Variants in DYNC1I1 observed in about 807,000 individuals in gnomAD.
DYNC1I1 encodes dynein cytoplasmic 1 intermediate chain 1, also known as cytoplasmic dynein 1 intermediate chain 1.
Under a neutral mutation model 86.6 loss-of-function variants are expected in DYNC1I1, and 43 were observed. That is an observed-to-expected ratio of 0.50 (90% CI 0.39 to 0.64). The LOEUF (loss-of-function observed/expected upper bound fraction) is 0.64, where lower values mean the gene tolerates loss of function less well. Ranked by LOEUF, DYNC1I1 falls within the 30% of genes least tolerant of loss-of-function variation. DYNC1I1 has a pLI of 0.00. For missense variants in DYNC1I1, 604 were observed against 788.8 expected, an observed-to-expected ratio of 0.77 and a Z score of 2.81; for synonymous variants, 262 against 283.7, an observed-to-expected ratio of 0.92 and a Z score of 0.77.
chr7:95,811,522 A>G (rs2115834057), intron 3 of DYNC1I1, among the ~76,000 whole-genome samples: 1 of 152,216 alleles, frequency 6.6e-6, no homozygotes, highest in Non-Finnish European at 1.5e-5. Flanking sequence ...GAATAAGAAA[A>G]AGAACAATAT....
intron 16 of DYNC1I1, among the ~76,000 whole-genome samples, chr7:96,093,501 T>C (rs1185815228): frequency 6.6e-6 from 1 of 152,226 alleles, no homozygotes; most frequent in Non-Finnish European, 1.5e-5. Flanking sequence ...AGGTGATCTC[T>C]TTTAGAGTTA....
chr7:95,803,113 G>A (rs1315421699), intron 1 of DYNC1I1, among the ~76,000 whole-genome samples: 2 of 152,178 alleles, frequency 1.3e-5, no homozygotes, highest in Non-Finnish European at 2.9e-5. Flanking sequence ...TATTGGGTAG[G>A]CAGTCTCAGT....
intron 10 of DYNC1I1, among the ~76,000 whole-genome samples, chr7:96,016,403 C>A (rs1339088858): frequency 2.6e-5 from 4 of 151,614 alleles, no homozygotes; most frequent in Non-Finnish European, 5.9e-5. Context: ...GTGGATCCTC[C>A]AAATGTAGAT....
At chr7:95,818,432 G>A (rs530283044) in intron 4 of DYNC1I1, 2 of 599,404 alleles carry the variant, frequency 3.3e-6, no homozygotes, top group South Asian at 2.2e-5. Flanking sequence ...TTCCTGCATA[G>A]CTAGGAGTAC....
intron 2 of DYNC1I1, among the ~76,000 whole-genome samples, chr7:95,805,142 C>A (rs1164378661): frequency 1.3e-5 from 2 of 152,054 alleles, no homozygotes; most frequent in African/African-American, 2.4e-5. Flanking sequence ...AACTTCTTAA[C>A]CTTTCTGTGC....
chr7:96,012,871 T>G (rs893355929), intron 10 of DYNC1I1, among the ~76,000 whole-genome samples: 34 of 152,290 alleles, frequency 2.2e-4, no homozygotes, highest in African/African-American at 8.2e-4. Context: ...TAGGATTAAA[T>G]TAAGGATCTT....
chr7:95,985,446 G>T (rs1195503677), intron 8 of DYNC1I1, among the ~76,000 whole-genome samples: 1 of 152,102 alleles, frequency 6.6e-6, no homozygotes, highest in Non-Finnish European at 1.5e-5. Flanking sequence ...ATGCATATGT[G>T]TATATGCCTT....
chr7:95,857,122 C>G (rs957219615), intron 5 of DYNC1I1, among the ~76,000 whole-genome samples: 4 of 152,210 alleles, frequency 2.6e-5, no homozygotes, highest in African/African-American at 9.7e-5. Flanking sequence ...TTCATACACT[C>G]CTTGGTGACA....
At chr7:96,109,955 T>C (rs1463001940) in intron 16 of DYNC1I1, 9 of 281,062 alleles carry the variant, frequency 3.2e-5, no homozygotes, top group South Asian at 2.7e-4. Flanking sequence ...TCTGCCTACC[T>C]TTTTTTTCTT....
chr7:96,028,859 A>G (rs2115967290), intron 11 of DYNC1I1, among the ~76,000 whole-genome samples: 1 of 152,336 alleles, frequency 6.6e-6, no homozygotes, highest in South Asian at 2.1e-4. Flanking sequence ...ACCATTACCC[A>G]TAATTTAGTA....
intron 16 of DYNC1I1, among the ~76,000 whole-genome samples, chr7:96,105,233 C>T (rs1222921128): frequency 1.3e-5 from 2 of 151,786 alleles, no homozygotes; most frequent in Non-Finnish European, 2.9e-5. Context: ...TAATTGCTTA[C>T]TACATACACA....
At chr7:95,875,857 C>G (rs181193803) in intron 6 of DYNC1I1, among the ~76,000 whole-genome samples, 1 of 152,162 alleles carries the variant, frequency 6.6e-6, no homozygotes. Context: ...ATTTAGTCTC[C>G]TCTCAGCTGT....
intron 2 of DYNC1I1, among the ~76,000 whole-genome samples, chr7:95,808,486 AAAAT>A (rs1170268599): frequency 1.3e-5 from 2 of 152,246 alleles, no homozygotes; most frequent in South Asian, 4.1e-4. Context: ...ATCTGATTTT[AAAAT>A]AAATATAGTG....
At chr7:96,082,974 C>T (rs553452887) in intron 16 of DYNC1I1, among the ~76,000 whole-genome samples, 4 of 152,170 alleles carry the variant, frequency 2.6e-5, no homozygotes, top group Non-Finnish European at 5.9e-5. Flanking sequence ...GAAATGTCTG[C>T]AACTATAGGC....
chr7:95,874,637 A>C (rs1306251485), intron 6 of DYNC1I1, among the ~76,000 whole-genome samples: 2 of 36,446 alleles, frequency 5.5e-5, no homozygotes, highest in African/African-American at 1.7e-4. Context: ...TGGCCTTATT[A>C]GAAAAAGAAG....
intron 5 of DYNC1I1, among the ~76,000 whole-genome samples, chr7:95,845,963 G>A (rs1284393503): frequency 6.6e-6 from 1 of 152,116 alleles, no homozygotes; most frequent in Non-Finnish European, 1.5e-5. Flanking sequence ...GATTTTCAAA[G>A]AACAATATTT....
chr7:96,024,739 CA>C (rs759481222), intron 10 of DYNC1I1, among the ~76,000 whole-genome samples: 3 of 152,006 alleles, frequency 2.0e-5, no homozygotes, highest in East Asian at 3.9e-4. Flanking sequence ...AAATGAAGGA[CA>C]AAAAAACCCC....
At chr7:95,864,628 T>C (rs1789971354) in intron 5 of DYNC1I1, among the ~76,000 whole-genome samples, 1 of 152,190 alleles carries the variant, frequency 6.6e-6, no homozygotes, top group Non-Finnish European at 1.5e-5. Context: ...CTGCCCGGTC[T>C]GGAATCATCT....
chr7:95,868,428 T>G (rs1337619794), intron 5 of DYNC1I1, among the ~76,000 whole-genome samples: 2 of 152,194 alleles, frequency 1.3e-5, no homozygotes, highest in Non-Finnish European at 2.9e-5. Context: ...TAATAATAAT[T>G]TAAAGAAAAA....
Sources: allele counts gnomAD v4.1 joint callset (sites outside exome capture counted in the v4.1 genomes callset), GRCh38; gene constraint gnomAD v4.1.1; transcripts MANE v1.5; gene names NCBI Gene and HGNC (gene_info 2026-07-23, HGNC 2026-07-21).